TRIP4: variants seen among roughly 807,000 people sequenced by gnomAD.
TRIP4 encodes the protein activating signal cointegrator 1.
In TRIP4, 54 loss-of-function variants were observed where a neutral mutation model predicts 81.8. That is an observed-to-expected ratio of 0.66 (90% confidence interval 0.53 to 0.83). TRIP4 has a LOEUF of 0.83. Ranked by LOEUF, TRIP4 falls within the 40% of genes least tolerant of loss-of-function variation. TRIP4 has a pLI of 0.00. For missense variants in TRIP4, 662 were observed against 683.6 expected, an observed-to-expected ratio of 0.97 and a Z score of 0.35; for synonymous variants, 270 against 242.8, an observed-to-expected ratio of 1.11 and a Z score of -1.04.
chr15:64,446,478 C>T (rs1341653376), intron 12 of TRIP4, among the ~76,000 whole-genome samples: 1 of 147,616 alleles, frequency 6.8e-6, no homozygotes, highest in African/African-American at 2.5e-5. Context: ...AATCTCGGCT[C>T]ACTACAACCT....
At chr15:64,391,629 C>T (rs1198685756) in intron 1 of TRIP4, among the ~76,000 whole-genome samples, 2 of 151,954 alleles carry the variant, frequency 1.3e-5, no homozygotes, top group Non-Finnish European at 2.9e-5. Flanking sequence ...GTTAAAATGA[C>T]ATTTATTCAA....
intron 5 of TRIP4, among the ~76,000 whole-genome samples, chr15:64,403,448 C>G (rs539014922): frequency 6.6e-6 from 1 of 152,164 alleles, no homozygotes; most frequent in Non-Finnish European, 1.5e-5. Flanking sequence ...CATGAGCCAC[C>G]GCGCCCAGCA....
chr15:64,422,748 T>A (rs1892047449), intron 9 of TRIP4, among the ~76,000 whole-genome samples: 1 of 152,242 alleles, frequency 6.6e-6, no homozygotes, highest in South Asian at 2.1e-4. Flanking sequence ...ATGAGCAGCA[T>A]CTAGTACACA....
intron 4 of TRIP4, among the ~76,000 whole-genome samples, chr15:64,399,525 G>A (rs976473898): frequency 6.6e-6 from 1 of 151,834 alleles, no homozygotes; most frequent in Non-Finnish European, 1.5e-5. Flanking sequence ...TTTGTTTTTT[G>A]AGATGGAGTC....
chr15:64,420,753 C>T (rs377019302), intron 9 of TRIP4, among the ~76,000 whole-genome samples: 3 of 151,180 alleles, frequency 2.0e-5, no homozygotes, highest in Admixed American at 6.6e-5. Context: ...AGGATGGTCT[C>T]GATCTCCTGA....
At chr15:64,436,124 G>C (rs1245618133) in intron 11 of TRIP4, among the ~76,000 whole-genome samples, 2 of 151,918 alleles carry the variant, frequency 1.3e-5, no homozygotes, top group African/African-American at 4.8e-5. Context: ...ATGAAACCCT[G>C]TCTCTACTAA....
rs1891721251 is a variant in TRIP4, at chr15:64,409,881, A to C, written c.1043+53A>C. ...CAAAGAAGGAACAGGTTGACCATAA[A>C]GGATTTTCCCTTTCTAGTGGATCTT... On this transcript the variant is annotated intron_variant, in intron 7 of 12. Transcript: ENST00000261884. The C allele has an allele frequency of 3.3e-6, 5 of 1,523,574 alleles. No homozygotes were observed. The East Asian group carries it at 1.1e-4, about 35-fold the overall frequency. The allele number at this position is 1,523,574 out of a possible 1,614,324, so 94.4% of individuals were successfully genotyped here.
At chr15:64,451,842 C>T (rs1016464137) in intron 12 of TRIP4, among the ~76,000 whole-genome samples, 4 of 150,760 alleles carry the variant, frequency 2.7e-5, no homozygotes, top group East Asian at 3.9e-4. Context: ...TTAGTAGAGA[C>T]GGGTTTCACC....
chr15:64,432,822 A>G (rs1293401291), intron 11 of TRIP4, among the ~76,000 whole-genome samples: 2 of 151,636 alleles, frequency 1.3e-5, no homozygotes, highest in Non-Finnish European at 2.9e-5. Context: ...GAGGCAGGAG[A>G]ATCTCTTGAA....
At chr15:64,428,174 C>G (rs1435159169) in intron 11 of TRIP4, among the ~76,000 whole-genome samples, 1 of 152,176 alleles carries the variant, frequency 6.6e-6, no homozygotes, top group Non-Finnish European at 1.5e-5. Context: ...ATTTTCTCAT[C>G]TATTGATCAA....
intron 12 of TRIP4, among the ~76,000 whole-genome samples, chr15:64,451,501 T>C: frequency 8.2e-6 from 1 of 121,618 alleles, no homozygotes; most frequent in Non-Finnish European, 1.6e-5. Flanking sequence ...GGAGTGGGTC[T>C]CACTCTGTCA....
In TRIP4 at chr15:64,400,951, T is replaced by G. The variant is rs1012677365; in HGVS notation, c.697+130T>G. 224 of 573,210 alleles carry G rather than the reference T, an allele frequency of 3.9e-4. 1 individual carries two copies. Among genetic ancestry groups the G allele is most frequent in the Non-Finnish European group, 5.5e-4 (201 of 368,526 alleles). 35.5% of individuals were successfully genotyped at this position (573,210 alleles called of 1,614,324 possible). On this transcript the variant is annotated intron_variant, in intron 5 of 12. Transcript: ENST00000261884. ...ACTCATTCTCAGTTTTTTTGGGGGGTTTTTTTTGTTTTGTTTTGTTTTGTT... is the reference window on the plus strand; with the variant it reads ...ACTCATTCTCAGTTTTTTTGGGGGGGTTTTTTTGTTTTGTTTTGTTTTGTT...
intron 9 of TRIP4, among the ~76,000 whole-genome samples, chr15:64,422,224 C>T (rs1276057830): frequency 1.3e-5 from 2 of 152,156 alleles, no homozygotes; most frequent in African/African-American, 4.8e-5. Flanking sequence ...GATACTGAAG[C>T]AGGCAAAGGT....
chr15:64,423,390 G>A (rs1478922371), intron 9 of TRIP4, among the ~76,000 whole-genome samples: 1 of 146,132 alleles, frequency 6.8e-6, no homozygotes, highest in African/African-American at 2.5e-5. Context: ...TTGAACCCAG[G>A]AGGCGGAGGT....
chr15:64,453,753 C>T (rs1892823410), intron 12 of TRIP4, among the ~76,000 whole-genome samples: 1 of 152,154 alleles, frequency 6.6e-6, no homozygotes, highest in Non-Finnish European at 1.5e-5. Flanking sequence ...GATAAACAGA[C>T]AAAGAGAGAT....
intron 9 of TRIP4, among the ~76,000 whole-genome samples, chr15:64,421,085 G>A (rs921126892): frequency 4.4e-4 from 66 of 149,776 alleles, no homozygotes; most frequent in Admixed American, 8.6e-4. Context: ...CGAGGTGGGC[G>A]GATCACAAGG....
chr15:64,417,989 T>G (rs896545330), intron 8 of TRIP4, among the ~76,000 whole-genome samples: 5 of 152,254 alleles, frequency 3.3e-5, no homozygotes, highest in African/African-American at 1.2e-4. Context: ...TGTATGGAGA[T>G]TTCAACATTC....
At chr15:64,415,516 T>C (rs1456054581) in intron 8 of TRIP4, among the ~76,000 whole-genome samples, 1 of 152,204 alleles carries the variant, frequency 6.6e-6, no homozygotes, top group Non-Finnish European at 1.5e-5. Flanking sequence ...CTTACCTCTT[T>C]AAGATTCTGG....
rs1900263729 is a variant in TRIP4 at position 64,395,462 on chromosome 15, A to G, written c.336A>G (p.Arg112=). 1 of 1,613,978 alleles carries G rather than the reference A, an allele frequency of 6.2e-7. No homozygotes were observed. The highest frequency in any genetic ancestry group is 8.5e-7 in the Non-Finnish European group (1 of 1,179,976). Residue 112 remains arginine, a synonymous_variant, in exon 3 of 13, where the codon AGA becomes AGG. Coordinates refer to ENST00000261884, the MANE Select transcript of TRIP4 (RefSeq NM_016213.5). ...GGGGTAGGAAGAAAGGGAGAAACAG[A>G]CAGGAAGTTCCTGCATTTACTGAAC... The part of the protein sequence containing the change: ...LKRGRKKGRN[R]QEVPAFTEPD...
Sources: gnomAD v4.1 joint callset for allele counts (sites outside exome capture counted in the v4.1 genomes callset) on GRCh38, gnomAD v4.1.1 for gene constraint, MANE v1.5 for transcripts, NCBI Gene and HGNC (gene_info 2026-07-23, HGNC 2026-07-21) for gene names.